Variants in DGKB observed in about 807,000 individuals in gnomAD.
The protein encoded by DGKB is diacylglycerol kinase beta.
DGKB carries 67 observed loss-of-function variants against 114.3 expected under a neutral mutation model. The observed-to-expected ratio is 0.59, with a 90% CI of 0.48 to 0.72. The LOEUF (loss-of-function observed/expected upper bound fraction) is 0.72, where lower values mean the gene tolerates loss of function less well. DGKB is among the 30% of genes least tolerant of loss of function. DGKB has a pLI of 0.00. For synonymous variants in DGKB, 398 were observed against 323.1 expected (o/e 1.23, Z -2.49); for missense variants, 907 against 975.2 (o/e 0.93, Z 0.93).
chr7:14,288,219 G>T (rs187687521), intron 23 of DGKB, among the ~76,000 whole-genome samples: 93 of 106,244 alleles, frequency 8.8e-4, no homozygotes, highest in Admixed American at 2.0e-3. Context: ...TTGATAATCT[G>T]TTTTTTTTTT....
intron 21 of DGKB, among the ~76,000 whole-genome samples, chr7:14,466,080 C>T (rs1272116795): frequency 6.6e-6 from 1 of 152,078 alleles, no homozygotes; most frequent in Non-Finnish European, 1.5e-5. Context: ...ACATCTACTT[C>T]CAGGGATCAT....
At chr7:14,884,186 G>C (rs748025620) in intron 1 of DGKB, among the ~76,000 whole-genome samples, 1 of 151,912 alleles carries the variant, frequency 6.6e-6, no homozygotes, top group Non-Finnish European at 1.5e-5. Context: ...AAAGAATTCA[G>C]CCATGTTCCA....
intron 15 of DGKB, among the ~76,000 whole-genome samples, chr7:14,614,972 C>T (rs1048905039): frequency 3.9e-5 from 6 of 152,080 alleles, no homozygotes; most frequent in South Asian, 4.2e-4. Flanking sequence ...ATGGTGGCTG[C>T]GGATTGCAAT....
intron 2 of DGKB, among the ~76,000 whole-genome samples, chr7:14,776,817 T>C (rs1428820303): frequency 6.6e-6 from 1 of 152,194 alleles, no homozygotes; most frequent in East Asian, 1.9e-4. Context: ...CACAACCTAG[T>C]GGAGCTGCGA....
At chr7:14,412,386 T>C (rs772197897) in intron 21 of DGKB, among the ~76,000 whole-genome samples, 10 of 152,156 alleles carry the variant, frequency 6.6e-5, no homozygotes, top group African/African-American at 9.7e-5. Flanking sequence ...AACAGGCACA[T>C]TGACTTTTGA....
In DGKB at chr7:14,491,681, G is replaced by A. The variant is rs190271601; in HGVS notation, c.1771-13456C>T. Among the ~76,000 whole-genome samples, 221 of 152,098 alleles carry A rather than the reference G, an allele frequency of 1.5e-3. 2 individuals carry two copies. The highest frequency in any genetic ancestry group is 5.2e-3 in the African/African-American group (214 of 41,520). On this transcript the variant is annotated intron_variant, in intron 20 of 25. Coordinates refer to ENST00000402815, the MANE Select transcript of DGKB (RefSeq NM_001350709.2). ...AATTCTATTCTTAACATAATGGTAG[G>A]TTTTATTTAATTAACGATTTAGTTC... is the stretch of plus-strand genomic sequence containing the variant.
At chr7:14,641,329 T>C (rs1270527839) in intron 13 of DGKB, among the ~76,000 whole-genome samples, 3 of 126,406 alleles carry the variant, frequency 2.4e-5, no homozygotes, top group Non-Finnish European at 5.2e-5. Context: ...AGGGATTTGG[T>C]TTACAATATA....
At chr7:14,533,990 G>A (rs1792014315) in intron 20 of DGKB, among the ~76,000 whole-genome samples, 1 of 151,894 alleles carries the variant, frequency 6.6e-6, no homozygotes, top group Non-Finnish European at 1.5e-5. Context: ...CACTTGTAAA[G>A]GTAAATATGT....
At chr7:14,750,321 G>A (rs1723238) in intron 4 of DGKB, 116,313 of 412,958 alleles carry the variant, frequency 0.28, 21,344 homozygotes, top group African/African-American at 0.63. Flanking sequence ...TTGGTCTGCC[G>A]TTTGAGAAAA....
At chr7:14,379,084 A>G (rs932835916) in intron 21 of DGKB, among the ~76,000 whole-genome samples, 2 of 151,920 alleles carry the variant, frequency 1.3e-5, no homozygotes, top group Admixed American at 1.3e-4. Flanking sequence ...TTTTGAGAGT[A>G]CTGCAGACAA....
At chr7:14,792,679 G>T (rs1400000307) in intron 2 of DGKB, among the ~76,000 whole-genome samples, 1 of 152,044 alleles carries the variant, frequency 6.6e-6, no homozygotes, top group African/African-American at 2.4e-5. Context: ...TTTTGCAAAC[G>T]TAAGTTAAAA....
intron 23 of DGKB, among the ~76,000 whole-genome samples, chr7:14,196,311 A>G (rs191262440): frequency 1.9e-4 from 29 of 152,310 alleles, no homozygotes; most frequent in African/African-American, 6.5e-4. Context: ...GAATTATTCT[A>G]GTCATAAAAG....
chr7:14,236,049 C>T (rs1792721760), intron 23 of DGKB, among the ~76,000 whole-genome samples: 1 of 151,968 alleles, frequency 6.6e-6, no homozygotes, highest in Non-Finnish European at 1.5e-5. Context: ...AGCTGGTTCA[C>T]TTATTTTCCT....
At chr7:14,623,745 T>C (rs1214845094) in intron 14 of DGKB, among the ~76,000 whole-genome samples, 1 of 152,154 alleles carries the variant, frequency 6.6e-6, no homozygotes, top group Non-Finnish European at 1.5e-5. Context: ...GGCAAAAATA[T>C]TGATTTTTAA....
At chr7:14,200,755 A>C (rs968992997) in intron 23 of DGKB, among the ~76,000 whole-genome samples, 2 of 152,036 alleles carry the variant, frequency 1.3e-5, no homozygotes, top group African/African-American at 4.8e-5. Context: ...TAACATGTAA[A>C]AAAAACGTAA....
intron 23 of DGKB, among the ~76,000 whole-genome samples, chr7:14,212,662 A>T (rs17167967): frequency 0.032 from 4,943 of 152,184 alleles, 257 homozygotes; most frequent in African/African-American, 0.11. Flanking sequence ...AGAGTAAATC[A>T]GTTTCCTAAA....
intron 13 of DGKB, among the ~76,000 whole-genome samples, chr7:14,652,148 A>G (rs1241919500): frequency 1.4e-5 from 2 of 138,844 alleles, no homozygotes; most frequent in Non-Finnish European, 3.1e-5. Context: ...GGAAAAAACT[A>G]CTTTAAAGTT....
At chr7:14,345,943 A>G (rs553338458) in intron 21 of DGKB, among the ~76,000 whole-genome samples, 39 of 151,458 alleles carry the variant, frequency 2.6e-4, no homozygotes, top group Non-Finnish European at 5.3e-4. Flanking sequence ...TAAATTTATT[A>G]TCACTTAATG....
chr7:14,567,556 A>C, intron 20 of DGKB, among the ~76,000 whole-genome samples: 1 of 103,088 alleles, frequency 9.7e-6, no homozygotes, highest in Non-Finnish European at 1.8e-5. Context: ...ATAATTATAT[A>C]TTGGATAATT....
Sources: gnomAD v4.1 joint callset for allele counts (sites outside exome capture counted in the v4.1 genomes callset) on GRCh38, gnomAD v4.1.1 for gene constraint, MANE v1.5 for transcripts, NCBI Gene and HGNC (gene_info 2026-07-23, HGNC 2026-07-21) for gene names.